The following PRDM16 variants were observed in gnomAD, a reference collection of about 807,000 sequenced individuals.
PRDM16 encodes the protein histone-lysine N-methyltransferase PRDM16.
In PRDM16, 23 loss-of-function variants were observed where a neutral mutation model predicts 110.6. The observed-to-expected ratio is 0.21, with a 90% confidence interval of 0.15 to 0.29. The LOEUF (loss-of-function observed/expected upper bound fraction) is 0.29, where lower values mean the gene tolerates loss of function less well. PRDM16 is among the 10% of genes least tolerant of loss of function. The pLI, the probability that PRDM16 is intolerant of heterozygous loss-of-function variation, is 1.00. For missense variants in PRDM16, 1,615 were observed against 1,794.3 expected (o/e 0.90, Z 1.81); for synonymous variants, 799 against 781.8 (o/e 1.02, Z -0.37).
chr1:3,404,782 A>C lies in PRDM16; in HGVS notation c.928A>C (p.Lys310Gln). ...MVIHTEEREY[K>Q]CDQCPKAFNW... ...CATCCACACGGAGGAGCGCGAGTAC[A>C]AATGCGACCAGTGTCCCAAGGCCTT... is the stretch of plus-strand genomic sequence containing the variant. The change falls in exon 7 of 17, where the codon AAA (lysine) becomes CAA (glutamine). Residue 310 changes from lysine (K) to glutamine (Q), a missense_variant. Around this residue, in one of 5 missense-constraint regions of PRDM16, gnomAD observed 416 missense variants for 467.1 expected, o/e 0.89. Coordinates refer to ENST00000270722, the MANE Select transcript of PRDM16 (RefSeq NM_022114.4). 6.2e-7 allele frequency: 1 copy of C among 1,613,616 alleles called. No homozygotes were observed.
At position 3,438,010 on chromosome 1, in the gene PRDM16, A is replaced by G. The variant is rs558283975; in HGVS notation, c.*4199A>G. 6 of 217,606 alleles carry G rather than the reference A, an allele frequency of 2.8e-5. No individual in the cohort carries two copies. The South Asian group carries it at 7.4e-4, about 27-fold the overall frequency. The allele number at this position is 217,606 out of a possible 1,614,324, so 13.5% of individuals were successfully genotyped here. A position where few individuals can be genotyped will look rare whatever the true frequency, so the allele number is the denominator to read the frequency against. On this transcript the variant is annotated 3_prime_UTR_variant, in exon 17 of 17. Coordinates refer to ENST00000270722, the MANE Select transcript of PRDM16 (RefSeq NM_022114.4). ...GCCCGCCACCTTCTGCCATTGTTAC[A>G]TTACAGATTTGGTTTAGTTTTGTTT...
chr1:3,078,178 A>G (rs760834481), intron 1 of PRDM16, among the ~76,000 whole-genome samples: 3 of 151,918 alleles, frequency 2.0e-5, no homozygotes, highest in Non-Finnish European at 2.9e-5. Flanking sequence ...CCCTGTGTCA[A>G]TCATGGTGTG....
chr1:3,411,796 G>T lies in PRDM16; in HGVS notation c.1599G>T (p.Ser533=). The change falls in exon 9 of 17, where the codon TCG becomes TCT. Residue 533 remains serine (S), a synonymous_variant. Transcript: ENST00000270722. ...YPRPPLLPPT[S]LLKSPLNHTQ... is the part of the protein sequence containing the mutation. ...GGCCGCCTCTGCTACCTCCCACATC[G>T]CTGCTCAAGAGCCCCCTGAACCACA... The T allele has an allele frequency of 6.2e-7, 1 of 1,611,442 alleles. No homozygotes were observed. The highest frequency in any genetic ancestry group is 8.5e-7 in the Non-Finnish European group (1 of 1,179,664).
intron 3 of PRDM16, among the ~76,000 whole-genome samples, chr1:3,316,274 AGGGGTGGGGGTG>A (rs1330124771): frequency 8.2e-4 from 1 of 1,214 alleles, no homozygotes; most frequent in Non-Finnish European, 1.5e-3. Flanking sequence ...CTGTGGGGGT[AGGGGTGGGGGTG>A]GGGGTGGGGG....
chr1:3,176,513 TTCAC>T (rs1238996898), intron 1 of PRDM16, among the ~76,000 whole-genome samples: 1 of 151,030 alleles, frequency 6.6e-6, no homozygotes, highest in Non-Finnish European at 1.5e-5. Context: ...CACCCATTGA[TTCAC>T]CCACCCATCC....
chr1:3,422,126 C>T (rs911149770), intron 12 of PRDM16, among the ~76,000 whole-genome samples: 12 of 149,052 alleles, frequency 8.1e-5, no homozygotes, highest in African/African-American at 2.7e-4. Flanking sequence ...GATGGACAGA[C>T]AGGCAGGCAG....
chr1:3,168,571 T>TC (rs1340005610), intron 1 of PRDM16, among the ~76,000 whole-genome samples: 5 of 151,208 alleles, frequency 3.3e-5, no homozygotes, highest in African/African-American at 1.2e-4. Flanking sequence ...CCGCAGCTAT[T>TC]CCCGCCCCAC....
intron 3 of PRDM16, among the ~76,000 whole-genome samples, chr1:3,268,427 C>A (rs945839515): frequency 3.3e-5 from 5 of 152,190 alleles, no homozygotes; most frequent in Non-Finnish European, 7.3e-5. Context: ...TTCGCAAAGC[C>A]GGTAGACCAG....
chr1:3,131,973 T>C (rs1402978081), intron 1 of PRDM16, among the ~76,000 whole-genome samples: 1 of 152,252 alleles, frequency 6.6e-6, no homozygotes, highest in Non-Finnish European at 1.5e-5. Context: ...CAATTTTTTT[T>C]CAAAGGGTTT....
intron 2 of PRDM16, among the ~76,000 whole-genome samples, chr1:3,241,051 G>C (rs1238456223): frequency 6.6e-6 from 1 of 152,252 alleles, no homozygotes; most frequent in Admixed American, 6.5e-5. Context: ...GTTTTCAGCG[G>C]AGCGGCGGCT....
chr1:3,201,763 G>A lies in PRDM16; in HGVS notation c.387+15289G>A, dbSNP rs1041860456. ...AGCCGAGTAGGGTCGTGTCTGCCCC[G>A]CTTCCACGCGAGCCCTCTCCCACCT... is the stretch of plus-strand genomic sequence containing the variant. On this transcript the variant is annotated intron_variant, in intron 2 of 16. Coordinates refer to ENST00000270722, the MANE Select transcript of PRDM16 (RefSeq NM_022114.4). The surrounding 1 kb of genome is among the most constrained non-coding windows in gnomAD (Gnocchi z 4.1). Among the ~76,000 whole-genome samples, 6 of 152,292 alleles carry A rather than the reference G, an allele frequency of 3.9e-5. No homozygotes were observed. Among genetic ancestry groups the A allele is most frequent in the South Asian group, 2.1e-4 (1 of 4,826 alleles).
chr1:3,366,190 G>A (rs1642811380), intron 3 of PRDM16, among the ~76,000 whole-genome samples: 1 of 152,248 alleles, frequency 6.6e-6, no homozygotes, highest in Non-Finnish European at 1.5e-5. Flanking sequence ...GCACAGCTTG[G>A]TCCGGCTGGA....
chr1:3,234,923 G>A (rs1453454762), intron 2 of PRDM16, among the ~76,000 whole-genome samples: 3 of 152,262 alleles, frequency 2.0e-5, no homozygotes, highest in Non-Finnish European at 2.9e-5. Flanking sequence ...TCTGAAGTGA[G>A]GCTGGCCATC....
At chr1:3,332,188 C>A (rs1351024343) in intron 3 of PRDM16, among the ~76,000 whole-genome samples, 1 of 152,274 alleles carries the variant, frequency 6.6e-6, no homozygotes, top group African/African-American at 2.4e-5. Flanking sequence ...TCCAGGCTGG[C>A]CTGATATGGG....
intron 4 of PRDM16, among the ~76,000 whole-genome samples, chr1:3,389,882 T>A (rs1643268486): frequency 6.6e-6 from 1 of 151,422 alleles, no homozygotes; most frequent in Non-Finnish European, 1.5e-5. Context: ...ACTTGCTGCC[T>A]CGTCCGAGCA....
At position 3,137,875 on chromosome 1, in the gene PRDM16, G is replaced by A. The variant is rs567675278; in HGVS notation, c.38-48250G>A. On this transcript the variant is annotated intron_variant, in intron 1 of 16. Coordinates refer to ENST00000270722, the MANE Select transcript of PRDM16 (RefSeq NM_022114.4). ...GAGCCAGGTCCTGCCATCCTCCCTC[G>A]CCGATGCTTGCCAGTTTCCAGGGCC... Among the ~76,000 whole-genome samples the A allele has an allele frequency of 3.3e-5, 5 of 152,352 alleles. 1 individual carries two copies. Among genetic ancestry groups the A allele is most frequent in the African/African-American group, 7.2e-5 (3 of 41,588 alleles).
At chr1:3,229,753 C>T (rs1019372366) in intron 2 of PRDM16, among the ~76,000 whole-genome samples, 7 of 152,128 alleles carry the variant, frequency 4.6e-5, no homozygotes, top group East Asian at 1.9e-4. Context: ...AGAAGGGAGG[C>T]GAGCAGGTGT....
chr1:3,253,778 T>C (rs368587825), intron 3 of PRDM16, among the ~76,000 whole-genome samples: 40 of 152,140 alleles, frequency 2.6e-4, no homozygotes, highest in Non-Finnish European at 4.6e-4. Context: ...CCTGAGGAAT[T>C]GCCACACTGA....
At chr1:3,115,316 G>A (rs1307065751) in intron 1 of PRDM16, among the ~76,000 whole-genome samples, 1 of 152,230 alleles carries the variant, frequency 6.6e-6, no homozygotes, top group Non-Finnish European at 1.5e-5. Flanking sequence ...GAATGTGGTG[G>A]CCCCATCAGC....
Sources: gnomAD v4.1 joint callset for allele counts (sites outside exome capture counted in the v4.1 genomes callset) on GRCh38, gnomAD v4.1.1 for gene constraint, gnomAD v4.1.1 regional missense constraint, Gnocchi (gnomAD v3.1) non-coding constraint, MANE v1.5 for transcripts, NCBI Gene and HGNC (gene_info 2026-07-23, HGNC 2026-07-21) for gene names.